Variants in FAT4 observed in about 807,000 individuals in gnomAD.
FAT4 encodes the protein FAT atypical cadherin 4.
FAT4 carries 84 observed loss-of-function variants against 303.9 expected under a neutral mutation model. The ratio of observed to expected loss-of-function variants is 0.28; its 90% confidence interval spans 0.23 to 0.33. FAT4 has a LOEUF of 0.33. FAT4 is among the 10% of genes least tolerant of loss of function. The pLI is 1.00. For missense variants in FAT4, 6,005 were observed against 6,146.8 expected (o/e 0.98, Z 0.77); for synonymous variants, 2,307 against 2,298.8 (o/e 1.00, Z -0.10).
chr4:125,438,855 T>C (rs1725549086), intron 8 of FAT4, among the ~76,000 whole-genome samples: 1 of 152,134 alleles, frequency 6.6e-6, no homozygotes, highest in Non-Finnish European at 1.5e-5. Context: ...AGCTATTGGT[T>C]TAATTATTTA....
rs893036381 is a variant in FAT4 at position 125,449,145 on chromosome 4, G to A, written c.8135G>A (p.Gly2712Asp). ...CAGTTAGATTATGAAATTGTTAATGGCAACATGGAAAATAGTTTCAGTATC... is the reference window on the plus strand; with the variant it reads ...CAGTTAGATTATGAAATTGTTAATGACAACATGGAAAATAGTTTCAGTATC... The part of the protein sequence containing the change: ...NGQLDYEIVN[G>D]NMENSFSINH... The change falls in exon 10 of 18, where the codon GGC becomes GAC. Residue 2712 changes from glycine (G) to aspartate (D), a missense_variant. Transcript: ENST00000394329. 1.2e-6 allele frequency: 2 copies of A among 1,613,908 alleles called. No individual in the cohort carries two copies. The highest frequency in any genetic ancestry group is 2.7e-5 in the African/African-American group (2 of 74,998).
intron 7 of FAT4, among the ~76,000 whole-genome samples, chr4:125,422,708 AC>A (rs1357398037): frequency 6.6e-6 from 1 of 152,148 alleles, no homozygotes; most frequent in African/African-American, 2.4e-5. Flanking sequence ...AATACAGGTT[AC>A]TGATATCAGA....
chr4:125,421,905 A>T (rs1443618739), intron 7 of FAT4, among the ~76,000 whole-genome samples: 7 of 152,256 alleles, frequency 4.6e-5, no homozygotes, highest in East Asian at 1.9e-4. Flanking sequence ...TATTTATTAA[A>T]TTTTTTTAAG....
intron 16 of FAT4, among the ~76,000 whole-genome samples, chr4:125,487,136 A>G (rs1727436113): frequency 1.3e-5 from 2 of 152,208 alleles, no homozygotes; most frequent in Admixed American, 1.3e-4. Flanking sequence ...TACATATAAG[A>G]ATACGTTGAA....
intron 13 of FAT4, among the ~76,000 whole-genome samples, 163 bp downstream of exon 13, chr4:125,476,419 C>CAAAATGTGTT (rs1179655079): frequency 6.6e-6 from 1 of 151,800 alleles, no homozygotes; most frequent in Non-Finnish European, 1.5e-5. Context: ...AATTACTGTG[C>CAAAATGTGTT]AAAATGTGTT....
intron 10 of FAT4, 21 bp from the exon 11 acceptor site, chr4:125,463,542 A>G: frequency 6.8e-7 from 1 of 1,471,110 alleles, no homozygotes; most frequent in Non-Finnish European, 9.3e-7. Flanking sequence ...TTTAAAAAAA[A>G]CTGAATTTGA....
chr4:125,441,510 G>A (rs1725659876), intron 8 of FAT4, among the ~76,000 whole-genome samples: 1 of 152,048 alleles, frequency 6.6e-6, no homozygotes, highest in South Asian at 2.1e-4. Context: ...GAGAAACAAT[G>A]GAAATGTTTT....
At chr4:125,383,541 ATGTAT>A (rs71585408) in intron 2 of FAT4, among the ~76,000 whole-genome samples, 44,134 of 151,812 alleles carry the variant, frequency 0.29, 6,568 homozygotes, top group Middle Eastern at 0.39. Context: ...AAAAAGTTTG[ATGTAT>A]TGTAAGAATT....
intron 8 of FAT4, among the ~76,000 whole-genome samples, chr4:125,435,660 T>A (rs1725425523): frequency 6.6e-6 from 1 of 152,158 alleles, no homozygotes; most frequent in South Asian, 2.1e-4. Flanking sequence ...CGTTGTTTTA[T>A]CTAAGAAGGT....
chr4:125,428,504 C>G (rs527418348), intron 7 of FAT4, among the ~76,000 whole-genome samples: 214 of 152,284 alleles, frequency 1.4e-3, no homozygotes, highest in Non-Finnish European at 1.7e-3. Flanking sequence ...CTCTCTCTCT[C>G]TCTGTCTCTC....
chr4:125,435,709 G>C (rs1166426634), intron 8 of FAT4, among the ~76,000 whole-genome samples: 1 of 152,116 alleles, frequency 6.6e-6, no homozygotes, highest in African/African-American at 2.4e-5. Flanking sequence ...AGTCAGAGAG[G>C]TAGGCAGGGG....
In FAT4 at chr4:125,490,425, A is replaced by T. The variant is rs774158501; in HGVS notation, c.13609A>T (p.Lys4537Ter). ...TAACCAGTGCAGGGGGAAGAAGGCC[A>T]AAAATCCCAAAGAGGAGAAGAAACC... The part of the protein sequence containing the change: ...LCNQCRGKKA[K>*]NPKEEKKPKE... Residue 4537 changes from lysine to a stop codon, truncating the protein, a stop_gained, in exon 18 of 18, where the codon AAA (lysine) becomes TAA (stop). Coordinates refer to ENST00000394329, the MANE Select transcript of FAT4 (RefSeq NM_001291303.3). LOFTEE classifies it high-confidence loss of function. The T allele has an allele frequency of 6.2e-7, 1 of 1,614,176 alleles. No homozygotes were observed. The highest frequency in any genetic ancestry group is 8.5e-7 in the Non-Finnish European group (1 of 1,180,034).
At chr4:125,410,119 A>G (rs1734787246) in intron 5 of FAT4, among the ~76,000 whole-genome samples, 1 of 152,150 alleles carries the variant, frequency 6.6e-6, no homozygotes, top group Non-Finnish European at 1.5e-5. Flanking sequence ...TCAATAAGTA[A>G]AATGGGAAAT....
intron 2 of FAT4, among the ~76,000 whole-genome samples, chr4:125,394,260 T>C (rs1439935737): frequency 6.6e-6 from 1 of 152,218 alleles, no homozygotes; most frequent in Non-Finnish European, 1.5e-5. Flanking sequence ...TGTTTTGTTT[T>C]TATTCAAAAT....
chr4:125,410,694 T>C (rs1734805740), intron 5 of FAT4, among the ~76,000 whole-genome samples: 2 of 152,060 alleles, frequency 1.3e-5, no homozygotes, highest in African/African-American at 4.8e-5. Flanking sequence ...ACTTAAAATA[T>C]AGGGAAACTG....
At chr4:125,373,063 A>G (rs1037987300) in intron 2 of FAT4, among the ~76,000 whole-genome samples, 1 of 152,194 alleles carries the variant, frequency 6.6e-6, no homozygotes, top group South Asian at 2.1e-4. Flanking sequence ...AATTCAGAAA[A>G]TACACAAAAT....
In FAT4 at chr4:125,450,623, G is replaced by C; in HGVS notation, c.9613G>C (p.Val3205Leu). Residue 3205 changes from valine (V) to leucine (L), a missense_variant, in exon 10 of 18, where the codon GTT becomes CTT. Val to Leu is a conservative substitution (Grantham distance 32, BLOSUM62 1). Transcript: ENST00000394329. ...CCTCTCTGATGACTATTTCCCTACTGTTTTGGAAAATGCCCCAAGTGGAAC... is the reference window on the plus strand; with the variant it reads ...CCTCTCTGATGACTATTTCCCTACTCTTTTGGAAAATGCCCCAAGTGGAAC... ...VFLSDDYFPT[V>L]LENAPSGTTV... The C allele has an allele frequency of 6.2e-7, 1 of 1,614,090 alleles. No individual in the cohort carries two copies. Among genetic ancestry groups the C allele is most frequent in the Non-Finnish European group, 8.5e-7 (1 of 1,179,992 alleles).
At position 125,491,288 on chromosome 4, in the gene FAT4, A is replaced by G. The variant is rs201832398; in HGVS notation, c.14472A>G (p.Pro4824=). The part of the protein sequence containing the change: ...RSSSEEDCRR[P]LSRTRNPADG... ...CTTCAGAGGAGGACTGCAGAAGGCC[A>G]CTGTCTAGAACAAGGAATCCAGCGG... The change falls in exon 18 of 18, where the codon CCA becomes CCG. Residue 4824 remains proline, a synonymous_variant. Transcript: ENST00000394329. The G allele has an allele frequency of 2.0e-5, 33 of 1,614,160 alleles. No homozygotes were observed. In the East Asian group the frequency reaches 6.2e-4, roughly 31 times the overall value.
At chr4:125,412,202 T>C (rs965811591) in intron 5 of FAT4, among the ~76,000 whole-genome samples, 1 of 151,896 alleles carries the variant, frequency 6.6e-6, no homozygotes, top group Non-Finnish European at 1.5e-5. Context: ...TTTTGCTATG[T>C]CTGCATGTAT....
Sources: gnomAD v4.1 joint callset for allele counts (sites outside exome capture counted in the v4.1 genomes callset) on GRCh38, gnomAD v4.1.1 for gene constraint, MANE v1.5 for transcripts, NCBI Gene and HGNC (gene_info 2026-07-23, HGNC 2026-07-21) for gene names.